The following AMPH variants were observed in gnomAD, a reference collection of about 807,000 sequenced individuals.
AMPH encodes the protein amphiphysin, also known as amphiphysin (Stiff-Mann syndrome with breast cancer 128kD autoantigen).
AMPH carries 49 observed loss-of-function variants against 99.1 expected under a neutral mutation model. The observed-to-expected ratio is 0.49, with a 90% CI of 0.39 to 0.63. AMPH has a LOEUF of 0.63. Ranked by LOEUF, AMPH falls within the 20% of genes least tolerant of loss-of-function variation. AMPH has a pLI of 0.00. For synonymous variants in AMPH, 314 were observed against 317.3 expected (o/e 0.99, Z 0.11); for missense variants, 759 against 863.4 (o/e 0.88, Z 1.52).
chr7:38,577,048 C>A (rs1001382563), intron 1 of AMPH, among the ~76,000 whole-genome samples: 11 of 152,142 alleles, frequency 7.2e-5, no homozygotes, highest in Admixed American at 2.0e-4. Flanking sequence ...CCACCTTATT[C>A]TTTTCTAGTC....
chr7:38,441,280 A>G (rs953559566), intron 11 of AMPH, among the ~76,000 whole-genome samples: 3 of 152,162 alleles, frequency 2.0e-5, no homozygotes, highest in African/African-American at 7.2e-5. Context: ...CTTTTATAGG[A>G]AAGACTTCAA....
intron 12 of AMPH, among the ~76,000 whole-genome samples, chr7:38,434,694 G>C (rs149510835): frequency 4.7e-5 from 7 of 149,884 alleles, no homozygotes; most frequent in African/African-American, 1.7e-4. Flanking sequence ...AGCCAAGATC[G>C]CACCACTGCA....
chr7:38,414,168 T>C (rs1785297502), intron 17 of AMPH, among the ~76,000 whole-genome samples: 1 of 152,256 alleles, frequency 6.6e-6, no homozygotes, highest in Admixed American at 6.5e-5. Context: ...ATGAAGTTGA[T>C]AGACTATAGT....
intron 1 of AMPH, among the ~76,000 whole-genome samples, chr7:38,575,869 T>C (rs1380815207): frequency 6.6e-6 from 1 of 152,226 alleles, no homozygotes; most frequent in African/African-American, 2.4e-5. Flanking sequence ...GGAATTCACC[T>C]GAAATCAGAG....
chr7:38,609,699 G>A (rs1793558926), intron 1 of AMPH, among the ~76,000 whole-genome samples: 2 of 152,106 alleles, frequency 1.3e-5, no homozygotes, highest in Admixed American at 6.6e-5. Context: ...GGGCCATACT[G>A]TATAAGGTGT....
At chr7:38,579,298 G>T (rs1231703209) in intron 1 of AMPH, among the ~76,000 whole-genome samples, 2 of 152,202 alleles carry the variant, frequency 1.3e-5, no homozygotes, top group Non-Finnish European at 2.9e-5. Flanking sequence ...GCTGTCTCCA[G>T]TGGCCACTCT....
At chr7:38,525,926 T>A (rs1256933282) in intron 2 of AMPH, among the ~76,000 whole-genome samples, 1 of 152,214 alleles carries the variant, frequency 6.6e-6, no homozygotes, top group Non-Finnish European at 1.5e-5. Context: ...ACAATTTTTT[T>A]GTGAGAACAT....
At chr7:38,503,623 A>C (rs567154573) in intron 3 of AMPH, 27 bp downstream of exon 3, 1 of 1,609,016 alleles carries the variant, frequency 6.2e-7, no homozygotes, top group African/African-American at 1.3e-5. Context: ...GCTAAGTAAC[A>C]TGCAGTAAAC....
At chr7:38,441,324 A>G (rs1584095366) in intron 11 of AMPH, among the ~76,000 whole-genome samples, 1 of 152,266 alleles carries the variant, frequency 6.6e-6, no homozygotes, top group East Asian at 1.9e-4. Flanking sequence ...GAACAAATGG[A>G]GAGAAAATAA....
chr7:38,500,722 A>G (rs1405357393), intron 3 of AMPH, among the ~76,000 whole-genome samples: 1 of 152,204 alleles, frequency 6.6e-6, no homozygotes, highest in Non-Finnish European at 1.5e-5. Context: ...TCCTAAATCA[A>G]TAATAAAAGA....
rs951856595 is a variant in AMPH, at chr7:38,465,397, G to A, written c.749+70C>T. The A allele has an allele frequency of 3.7e-6, 5 of 1,343,980 alleles. No individual in the cohort carries two copies. In the East Asian group the frequency reaches 7.6e-5, roughly 20 times the overall value. The allele number at this position is 1,343,980 out of a possible 1,614,324, so 83.3% of individuals were successfully genotyped here. A position where few individuals can be genotyped will look rare whatever the true frequency, so the allele number is the denominator to read the frequency against. On this transcript the variant is annotated intron_variant, in intron 9 of 20. Coordinates refer to ENST00000356264, the MANE Select transcript of AMPH (RefSeq NM_001635.4). The stretch of plus-strand genomic sequence containing the variant: ...TTTGTAGGATAAATAAAATAGTACA[G>A]GCTGGTCCACAGATTGAAGAAATTT...
intron 1 of AMPH, among the ~76,000 whole-genome samples, chr7:38,578,640 G>A (rs1792332795): frequency 6.6e-6 from 1 of 152,068 alleles, no homozygotes; most frequent in South Asian, 2.1e-4. Context: ...GCTGTGGCAT[G>A]TGCCTGCAGT....
At chr7:38,543,812 T>C (rs1415898796) in intron 1 of AMPH, among the ~76,000 whole-genome samples, 1 of 152,176 alleles carries the variant, frequency 6.6e-6, no homozygotes, top group Non-Finnish European at 1.5e-5. Flanking sequence ...GGAATCTCTA[T>C]TCAAAAAAAT....
At chr7:38,460,185 C>T (rs2129007616) in intron 11 of AMPH, among the ~76,000 whole-genome samples, 1 of 152,016 alleles carries the variant, frequency 6.6e-6, no homozygotes, top group Non-Finnish European at 1.5e-5. Flanking sequence ...AAGAACAAAA[C>T]ATAATAGATG....
intron 17 of AMPH, among the ~76,000 whole-genome samples, chr7:38,413,297 A>T (rs1216526704): frequency 6.6e-6 from 1 of 152,188 alleles, no homozygotes; most frequent in Non-Finnish European, 1.5e-5. Context: ...GCAGAATGAA[A>T]AAACTGACAT....
At chr7:38,533,743 T>G (rs920200573) in intron 2 of AMPH, among the ~76,000 whole-genome samples, 2 of 152,182 alleles carry the variant, frequency 1.3e-5, no homozygotes, top group African/African-American at 4.8e-5. Flanking sequence ...GTCCTTATAT[T>G]GTTCCCCACA....
chr7:38,569,262 T>A lies in AMPH; in HGVS notation c.70-34251A>T, dbSNP rs549295824. On this transcript the variant is annotated intron_variant, in intron 1 of 20. Coordinates refer to ENST00000356264, the MANE Select transcript of AMPH (RefSeq NM_001635.4). Reference sequence around the variant, plus strand: ...TCTCATCTTATCTTTTTCTACTGTTTAAAAAAAAAAAAGAAATGCCCCCAA... The same window carrying A: ...TCTCATCTTATCTTTTTCTACTGTTAAAAAAAAAAAAAGAAATGCCCCCAA... 2.5e-3 allele frequency among the ~76,000 whole-genome samples: 354 copies of A among 143,652 alleles called. 2 individuals carry two copies. Among genetic ancestry groups the A allele is most frequent in the African/African-American group, 8.2e-3 (323 of 39,214 alleles). 94.2% of individuals were successfully genotyped at this position (143,652 alleles called of 152,430 possible).
intron 1 of AMPH, among the ~76,000 whole-genome samples, chr7:38,613,552 T>C (rs1208676310): frequency 6.6e-6 from 1 of 152,240 alleles, no homozygotes; most frequent in East Asian, 1.9e-4. Flanking sequence ...CATTATCCGC[T>C]GTTCTGAGCG....
chr7:38,537,968 GGAAGGACCATCAGAGTAAA>G (rs1165726807), intron 1 of AMPH, among the ~76,000 whole-genome samples: 7 of 152,170 alleles, frequency 4.6e-5, no homozygotes, highest in African/African-American at 7.2e-5. Context: ...CTCAAACACT[GGAAGGACCATCAGAGTAAA>G]GAAGGATCAA....
Sources: gnomAD v4.1 joint callset for allele counts (sites outside exome capture counted in the v4.1 genomes callset) on GRCh38, gnomAD v4.1.1 for gene constraint, MANE v1.5 for transcripts, NCBI Gene and HGNC (gene_info 2026-07-23, HGNC 2026-07-21) for gene names.